The following KDM1A variants were observed in gnomAD, a reference collection of about 807,000 sequenced individuals.
KDM1A encodes lysine-specific histone demethylase 1A.
In KDM1A, 49 loss-of-function variants were observed where a neutral mutation model predicts 109.4. The observed-to-expected ratio is 0.45, with a 90% CI of 0.36 to 0.57. KDM1A has a LOEUF of 0.57. KDM1A is among the 20% of genes least tolerant of loss of function. The pLI is 0.00. For missense variants in KDM1A, 668 were observed against 1,116.6 expected, an observed-to-expected ratio of 0.60 and a Z score of 5.73; for synonymous variants, 380 against 415.4, an observed-to-expected ratio of 0.91 and a Z score of 1.04.
chr1:23,042,515 G>C (rs1468042886), intron 2 of KDM1A, among the ~76,000 whole-genome samples: 3 of 131,310 alleles, frequency 2.3e-5, no homozygotes, highest in South Asian at 4.9e-4. Flanking sequence ...TGCAGTGGCG[G>C]GATCTCGGCT....
chr1:23,042,929 A>G (rs1227090895), intron 2 of KDM1A, among the ~76,000 whole-genome samples: 2 of 151,114 alleles, frequency 1.3e-5, no homozygotes, highest in East Asian at 3.9e-4. Context: ...TTGTGTTTTT[A>G]GTAGAAATAA....
chr1:23,032,194 A>G (rs569676693), intron 2 of KDM1A, among the ~76,000 whole-genome samples: 40 of 152,106 alleles, frequency 2.6e-4, no homozygotes, highest in Non-Finnish European at 4.4e-4. Flanking sequence ...CAAGGGCTCT[A>G]AGTACTACGC....
At chr1:23,061,078 G>C (rs1027336550) in intron 9 of KDM1A, among the ~76,000 whole-genome samples, 2 of 152,166 alleles carry the variant, frequency 1.3e-5, no homozygotes, top group South Asian at 4.1e-4. Flanking sequence ...CAGAGAAATG[G>C]ACTGCTTTCT....
chr1:23,059,535 C>T (rs994806186), intron 9 of KDM1A, among the ~76,000 whole-genome samples: 22 of 152,120 alleles, frequency 1.4e-4, no homozygotes, highest in Non-Finnish European at 3.1e-4. Flanking sequence ...GCTTTAGCTC[C>T]ATGTGTTCTT....
rs1318595188 is a variant in KDM1A, at chr1:23,050,516, G to T, written c.707G>T (p.Arg236Leu). The change falls in exon 4 of 21, where the codon CGC (arginine) becomes CTC (leucine). Residue 236 changes from arginine (R) to leucine (L), a missense_variant. Physicochemically the swap from Arg to Leu is moderately radical, Grantham distance 102. Around this residue, in one of 8 missense-constraint regions of KDM1A, gnomAD observed 149 missense variants for 189.7 expected, o/e 0.79. Coordinates refer to ENST00000400181, the MANE Select transcript of KDM1A (RefSeq NM_001009999.3). ...TQKVFLFIRN[R>L]TLQLWLDNPK... ...AAGGTTTTTCTTTTCATTAGAAACCGCACAGTAAGTTTCCATTTCAGCTTT... is the reference window on the plus strand; with the variant it reads ...AAGGTTTTTCTTTTCATTAGAAACCTCACAGTAAGTTTCCATTTCAGCTTT... 6.2e-7 allele frequency: 1 copy of T among 1,602,694 alleles called. No homozygotes were observed. The highest frequency in any genetic ancestry group is 8.5e-7 in the Non-Finnish European group (1 of 1,175,184).
intron 10 of KDM1A, 95 bp from the exon 11 acceptor site, chr1:23,068,444 A>AAAC: frequency 9.7e-7 from 1 of 1,033,666 alleles, no homozygotes; most frequent in Middle Eastern, 2.2e-4. Context: ...TGAGATACAT[A>AAAC]TTTTGACCTT....
rs2124316663 is a variant in KDM1A, at chr1:23,019,947, G to A, written c.351G>A (p.Lys117=). 1.3e-6 allele frequency: 2 copies of A among 1,555,786 alleles called. No individual in the cohort carries two copies. Among genetic ancestry groups the A allele is most frequent in the Non-Finnish European group, 1.7e-6 (2 of 1,154,204 alleles). The change falls in exon 1 of 21, where the codon AAG becomes AAA. Residue 117 remains lysine, a splice_region_variant and synonymous_variant. Coordinates refer to ENST00000400181, the MANE Select transcript of KDM1A (RefSeq NM_001009999.3). ...GRRTSRRKRA[K]VEYREMDESL... ...GGACCAGCCGGCGCAAGCGGGCGAA[G>A]GTAAGGCTCGACCCTTCCCTCAAAC...
In KDM1A at chr1:23,068,550, G is replaced by A. The variant is rs750785476; in HGVS notation, c.1191G>A (p.Glu397=). 2.2e-5 allele frequency: 35 copies of A among 1,582,136 alleles called. No homozygotes were observed. In the East Asian group the frequency reaches 7.2e-4, roughly 33 times the overall value. Residue 397 remains glutamate (E), a synonymous_variant, in exon 11 of 21, where the codon GAG becomes GAA. Coordinates refer to ENST00000400181, the MANE Select transcript of KDM1A (RefSeq NM_001009999.3). ...CTTCGGATTTTCAGGTTCCTAAAGA[G>A]AAAGATGAAATGGTAGAGCAAGAGT... ...GQADTVKVPK[E]KDEMVEQEFN...
chr1:23,020,993 T>C (rs897290860), intron 1 of KDM1A, among the ~76,000 whole-genome samples: 1 of 152,202 alleles, frequency 6.6e-6, no homozygotes, highest in South Asian at 2.1e-4. Context: ...TGGATATATA[T>C]GTGCGTGTAG....
chr1:23,082,216 T>A lies in KDM1A; in HGVS notation c.2299-4T>A. ...ATGACTTTTGCTCCTGGTTTTTCTTTTAGCCCAAAGAAACTGTGGTGTCTC... is the reference window on the plus strand; with the variant it reads ...ATGACTTTTGCTCCTGGTTTTTCTTATAGCCCAAAGAAACTGTGGTGTCTC... On this transcript the variant is annotated splice_polypyrimidine_tract_variant and splice_region_variant and intron_variant, in intron 19 of 20. Transcript: ENST00000400181. 1.9e-6 allele frequency: 3 copies of A among 1,612,906 alleles called. No homozygotes were observed. Among genetic ancestry groups the A allele is most frequent in the Non-Finnish European group, 2.5e-6 (3 of 1,179,676 alleles).
chr1:23,039,446 C>T (rs1419521719), intron 2 of KDM1A, among the ~76,000 whole-genome samples: 3 of 152,162 alleles, frequency 2.0e-5, no homozygotes, highest in Non-Finnish European at 4.4e-5. Flanking sequence ...TCCCTCTAAT[C>T]CATCTCGTAC....
intron 2 of KDM1A, among the ~76,000 whole-genome samples, chr1:23,035,148 G>T (rs879267522): frequency 6.6e-6 from 1 of 152,266 alleles, no homozygotes; most frequent in Middle Eastern, 3.4e-3. Context: ...TCTATTATAT[G>T]TGGTAATTTT....
At position 23,050,478 on chromosome 1, in the gene KDM1A, A is replaced by C; in HGVS notation, c.669A>C (p.Pro223=). 1 of 1,612,560 alleles carries C rather than the reference A, an allele frequency of 6.2e-7. No individual in the cohort carries two copies. Among genetic ancestry groups the C allele is most frequent in the Non-Finnish European group, 8.5e-7 (1 of 1,179,204 alleles). Residue 223 remains proline, a synonymous_variant, in exon 4 of 21, where the codon CCA becomes CCC. Coordinates refer to ENST00000400181, the MANE Select transcript of KDM1A (RefSeq NM_001009999.3). ...GTTTTCCAGATATTATCAGTGGACCACAACAGACCCAGAAGGTTTTTCTTT... is the reference window on the plus strand; with the variant it reads ...GTTTTCCAGATATTATCAGTGGACCCCAACAGACCCAGAAGGTTTTTCTTT... ...AACFPDIISG[P]QQTQKVFLFI...
In KDM1A at chr1:23,030,456, G is replaced by C. The variant is rs1641949298; in HGVS notation, c.352-13G>C. Reference sequence around the variant, plus strand: ...CACTGCATTTAGCTTTCCCTGGTATGATCTCCATATAGGTAGAGTACAGAG... The same window carrying C: ...CACTGCATTTAGCTTTCCCTGGTATCATCTCCATATAGGTAGAGTACAGAG... On this transcript the variant is annotated splice_polypyrimidine_tract_variant and intron_variant, in intron 1 of 20. Transcript: ENST00000400181. 1 of 1,501,152 alleles carries C rather than the reference G, an allele frequency of 6.7e-7. No individual in the cohort carries two copies. The highest frequency in any genetic ancestry group is 8.9e-7 in the Non-Finnish European group (1 of 1,127,212). 93.0% of individuals were successfully genotyped at this position (1,501,152 alleles called of 1,614,324 possible).
chr1:23,061,272 G>GC (rs891710992), intron 9 of KDM1A, among the ~76,000 whole-genome samples: 5 of 151,896 alleles, frequency 3.3e-5, no homozygotes, highest in Non-Finnish European at 7.4e-5. Context: ...TTTCCTGGTA[G>GC]CAAAACTCTC....
Position 23,025,969 on chromosome 1 carries a change from T to TA in KDM1A, c.352-4499dup, listed in dbSNP as rs551212368. ...AGCCATGTGTGGTGGCATGCGCCTGTAGTCCTAGCTACTCAGGAGGCTGAG... is the reference window on the plus strand; with the variant it reads ...AGCCATGTGTGGTGGCATGCGCCTGTAAGTCCTAGCTACTCAGGAGGCTGAG... On this transcript the variant is annotated intron_variant, in intron 1 of 20. Transcript: ENST00000400181. Among the ~76,000 whole-genome samples, 474 of 152,262 alleles carry TA rather than the reference T, an allele frequency of 3.1e-3. 1 individual carries two copies. The highest frequency in any genetic ancestry group is 0.024 in the Middle Eastern group (7 of 294).
chr1:23,083,421 G>A lies in KDM1A; in HGVS notation c.*57G>A. On this transcript the variant is annotated 3_prime_UTR_variant, in exon 21 of 21. Coordinates refer to ENST00000400181, the MANE Select transcript of KDM1A (RefSeq NM_001009999.3). ...TGCCTGTTTCTGCCATGTAAGGAAG[G>A]CTCTTCTAGCAATACTAGATCCCAC... The A allele has an allele frequency of 1.3e-6, 2 of 1,523,808 alleles. No individual in the cohort carries two copies. The highest frequency in any genetic ancestry group is 1.2e-5 in the South Asian group (1 of 80,880). The allele number at this position is 1,523,808 out of a possible 1,614,324, so 94.4% of individuals were successfully genotyped here.
At chr1:23,056,114 G>T (rs1388624159) in intron 7 of KDM1A, 76 bp downstream of exon 7, 8 of 956,826 alleles carry the variant, frequency 8.4e-6, no homozygotes, top group Non-Finnish European at 1.2e-5. Context: ...GCAAATTAAA[G>T]AATTATACAA....
chr1:23,071,326 A>G lies in KDM1A; in HGVS notation c.1515A>G (p.Lys505=). ...ATATTACTGCCGAGTTCTTAGTGAA[A>G]AGCAAACACAGGGATCTGACCGCCC... ...PRDITAEFLV[K]SKHRDLTALC... Residue 505 remains lysine, a synonymous_variant, in exon 13 of 21, where the codon AAA becomes AAG. Coordinates refer to ENST00000400181, the MANE Select transcript of KDM1A (RefSeq NM_001009999.3). 6.2e-7 allele frequency: 1 copy of G among 1,613,508 alleles called. No individual in the cohort carries two copies. The highest frequency in any genetic ancestry group is 8.5e-7 in the Non-Finnish European group (1 of 1,179,848).
Sources: gnomAD v4.1 joint callset for allele counts (sites outside exome capture counted in the v4.1 genomes callset) on GRCh38, gnomAD v4.1.1 for gene constraint, gnomAD v4.1.1 regional missense constraint, MANE v1.5 for transcripts, NCBI Gene and HGNC (gene_info 2026-07-23, HGNC 2026-07-21) for gene names.